GABPB2: variants seen among roughly 807,000 people sequenced by gnomAD.
GABPB2 encodes the protein GA binding protein transcription factor subunit beta 2.
Under a neutral mutation model 39.1 loss-of-function variants are expected in GABPB2, and 23 were observed. That is an observed-to-expected ratio of 0.59 (90% CI 0.42 to 0.83). The LOEUF is 0.83. Ranked by LOEUF, GABPB2 falls within the 40% of genes least tolerant of loss-of-function variation. GABPB2 has a pLI of 0.00. For missense variants in GABPB2, 467 were observed against 541.1 expected, an observed-to-expected ratio of 0.86 and a Z score of 1.36; for synonymous variants, 184 against 199.3, an observed-to-expected ratio of 0.92 and a Z score of 0.65.
rs372619140 is a variant in GABPB2, at chr1:151,073,566, GTTTT to G, written c.-1+2635_-1+2638del. On this transcript the variant is annotated intron_variant, in intron 1 of 8. Transcript: ENST00000368918. ...CATATAGTTCCCCTCAAAATGCTGT[GTTTT>G]TTGTTTGTTTTTTGTTGTTTTGTTT... 4.5e-3 allele frequency among the ~76,000 whole-genome samples: 677 copies of G among 152,134 alleles called. 5 individuals are homozygous for G. The highest frequency in any genetic ancestry group is 0.015 in the African/African-American group (644 of 41,554).
rs972056735 is a variant in GABPB2, at chr1:151,115,631, G to A, written c.923-1761G>A. Among the ~76,000 whole-genome samples the A allele has an allele frequency of 2.0e-5, 3 of 151,938 alleles. No homozygotes were observed. The South Asian group carries it at 6.2e-4, about 32-fold the overall frequency. On this transcript the variant is annotated intron_variant, in intron 7 of 8. Transcript: ENST00000368918. ...GGCCAGGCTGGTCTCAAACTCCTGA[G>A]CTCAGGCAGTCTGCCTGCCTCGACC...
At chr1:151,091,231 G>A (rs1338090534) in intron 3 of GABPB2, among the ~76,000 whole-genome samples, 1 of 147,964 alleles carries the variant, frequency 6.8e-6, no homozygotes, top group Non-Finnish European at 1.5e-5. Flanking sequence ...GGGATTACAG[G>A]CGCCCGCCAC....
chr1:151,109,610 C>T (rs1160951850), intron 7 of GABPB2, among the ~76,000 whole-genome samples: 6 of 151,678 alleles, frequency 4.0e-5, no homozygotes, highest in African/African-American at 1.2e-4. Flanking sequence ...CCACCCTCCT[C>T]GGCCTCCCAA....
At chr1:151,084,769 T>C (rs867416335) in intron 1 of GABPB2, among the ~76,000 whole-genome samples, 295 of 136,568 alleles carry the variant, frequency 2.2e-3, no homozygotes, top group African/African-American at 7.2e-3. Flanking sequence ...CTCCTGACCT[T>C]GTGATCCGCC....
chr1:151,109,796 A>G (rs1294096720), intron 7 of GABPB2, among the ~76,000 whole-genome samples: 1 of 151,514 alleles, frequency 6.6e-6, no homozygotes, highest in Non-Finnish European at 1.5e-5. Context: ...CAGCCTCCCA[A>G]GTAGCTGGGA....
chr1:151,102,485 C>T (rs1679609885), intron 5 of GABPB2, among the ~76,000 whole-genome samples: 1 of 152,050 alleles, frequency 6.6e-6, no homozygotes, highest in African/African-American at 2.4e-5. Context: ...CTCTGTCACC[C>T]AAGCTGAAGT....
intron 7 of GABPB2, among the ~76,000 whole-genome samples, chr1:151,109,907 C>T (rs148778147): frequency 0.012 from 1,812 of 151,162 alleles, 44 homozygotes; most frequent in African/African-American, 0.041. Context: ...GGCGTGATCT[C>T]GGCACACTGC....
intron 1 of GABPB2, among the ~76,000 whole-genome samples, chr1:151,072,691 C>CA (rs1558118582): frequency 6.6e-6 from 1 of 151,166 alleles, no homozygotes; most frequent in Non-Finnish European, 1.5e-5. Context: ...ACTAAAAATA[C>CA]AAAAAATTAG....
chr1:151,098,604 A>G (rs1291446932), intron 5 of GABPB2, among the ~76,000 whole-genome samples: 1 of 152,178 alleles, frequency 6.6e-6, no homozygotes, highest in African/African-American at 2.4e-5. Context: ...GATACTGATA[A>G]GGGAAATAAA....
rs1681286949 is a variant in GABPB2, at chr1:151,124,096, A to G, written c.*5840A>G. 9.2e-6 allele frequency: 1 copy of G among 108,728 alleles called. No individual in the cohort carries two copies. 6.7% of individuals were successfully genotyped at this position (108,728 alleles called of 1,614,324 possible). A position where few individuals can be genotyped will look rare whatever the true frequency, so the allele number is the denominator to read the frequency against. On this transcript the variant is annotated 3_prime_UTR_variant, in exon 9 of 9. Transcript: ENST00000368918. ...GGCCGGGCGCGGTGGCTCACAAAAA[A>G]AAAAAAAAGAAAGAAAAAGGAAAAA...
chr1:151,081,033 C>A (rs587720975), intron 1 of GABPB2, among the ~76,000 whole-genome samples: 1 of 150,376 alleles, frequency 6.6e-6, no homozygotes, highest in Non-Finnish European at 1.5e-5. Flanking sequence ...CCACCACGCC[C>A]AGCTAATTTT....
intron 1 of GABPB2, among the ~76,000 whole-genome samples, chr1:151,075,303 G>A (rs1677069806): frequency 2.0e-5 from 3 of 151,854 alleles, no homozygotes; most frequent in Non-Finnish European, 4.4e-5. Context: ...GGTGGCTCAT[G>A]CCTGTAATCC....
At chr1:151,090,702 A>G in intron 3 of GABPB2, 129 bp downstream of exon 3, 2 of 920,616 alleles carry the variant, frequency 2.2e-6, no homozygotes, top group Non-Finnish European at 3.3e-6. Flanking sequence ...ATTAAGTTGC[A>G]TCTCCAGGAG....
intron 1 of GABPB2, among the ~76,000 whole-genome samples, chr1:151,076,645 G>A (rs982430372): frequency 6.6e-6 from 1 of 151,888 alleles, no homozygotes; most frequent in Non-Finnish European, 1.5e-5. Flanking sequence ...GGCCAGGCTG[G>A]TCTCGAACAC....
intron 6 of GABPB2, among the ~76,000 whole-genome samples, chr1:151,104,727 C>T (rs140698068): frequency 2.6e-5 from 4 of 151,522 alleles, no homozygotes; most frequent in Non-Finnish European, 2.9e-5. Flanking sequence ...ATGGTTGATA[C>T]CCCACTTATT....
intron 8 of GABPB2, 25 bp downstream of exon 8, chr1:151,117,541 A>G: frequency 6.2e-7 from 1 of 1,609,360 alleles, no homozygotes; most frequent in Non-Finnish European, 8.5e-7. Flanking sequence ...AGTGATGAAA[A>G]GAATTTAAAG....
chr1:151,103,504 T>A (rs948089760), intron 5 of GABPB2, 58 bp from the exon 6 acceptor site: 1 of 1,153,726 alleles, frequency 8.7e-7, no homozygotes, highest in African/African-American at 1.5e-5. Flanking sequence ...AAGCTGTTTT[T>A]AATTTGCCTC....
intron 7 of GABPB2, among the ~76,000 whole-genome samples, chr1:151,114,064 G>A (rs958803270): frequency 5.9e-5 from 9 of 152,048 alleles, no homozygotes; most frequent in African/African-American, 2.2e-4. Flanking sequence ...AAATAAAACT[G>A]GCTGGGCACA....
chr1:151,104,143 T>G (rs1286104377), intron 6 of GABPB2, among the ~76,000 whole-genome samples: 1 of 152,198 alleles, frequency 6.6e-6, no homozygotes, highest in Non-Finnish European at 1.5e-5. Context: ...GAGATGTTAT[T>G]TTGGCATTTC....
Sources: allele counts gnomAD v4.1 joint callset (sites outside exome capture counted in the v4.1 genomes callset), GRCh38; gene constraint gnomAD v4.1.1; transcripts MANE v1.5; gene names NCBI Gene and HGNC (gene_info 2026-07-23, HGNC 2026-07-21).